Variants in EIF4G3 observed in about 807,000 individuals in gnomAD.
EIF4G3 encodes eukaryotic translation initiation factor 4 gamma 3, also known as eIF-4-gamma 3.
EIF4G3 carries 34 observed loss-of-function variants against 186.4 expected under a neutral mutation model. The ratio of observed to expected loss-of-function variants is 0.18; its 90% CI spans 0.14 to 0.24. EIF4G3 has a LOEUF of 0.24. EIF4G3 is among the 10% of genes least tolerant of loss of function. The pLI, the probability that EIF4G3 is intolerant of heterozygous loss-of-function variation, is 1.00. For missense variants in EIF4G3, 1,536 were observed against 1,948.5 expected (o/e 0.79, Z 3.99); for synonymous variants, 673 against 679.5 (o/e 0.99, Z 0.15).
chr1:21,002,994 T>C (rs184303516), intron 4 of EIF4G3, among the ~76,000 whole-genome samples, 186 bp from the exon 5 acceptor site: 139 of 150,262 alleles, frequency 9.3e-4, no homozygotes, highest in African/African-American at 3.2e-3. Context: ...TTCTTTCTTT[T>C]TTTTTTTTTT....
At chr1:21,137,582 G>A (rs536809828) in intron 2 of EIF4G3, among the ~76,000 whole-genome samples, 1 of 152,256 alleles carries the variant, frequency 6.6e-6, no homozygotes, top group African/African-American at 2.4e-5. Context: ...TTAGAGGCAG[G>A]AGGATCACTT....
At chr1:20,981,967 T>G (rs1230645238) in intron 8 of EIF4G3, among the ~76,000 whole-genome samples, 1 of 152,206 alleles carries the variant, frequency 6.6e-6, no homozygotes, top group African/African-American at 2.4e-5. Flanking sequence ...GCTGTTCAAG[T>G]AATTTATAAA....
At chr1:21,157,793 TTC>T (rs1217950788) in intron 2 of EIF4G3, among the ~76,000 whole-genome samples, 1 of 152,202 alleles carries the variant, frequency 6.6e-6, no homozygotes, top group Non-Finnish European at 1.5e-5. Flanking sequence ...ACAATAACAT[TTC>T]TCTTTTTTCT....
intron 7 of EIF4G3, among the ~76,000 whole-genome samples, chr1:20,994,628 C>CTTTTTTTT (rs3081939): frequency 6.4e-5 from 8 of 124,460 alleles, no homozygotes; most frequent in African/African-American, 2.1e-4. Flanking sequence ...AACATATATA[C>CTTTTTTTT]TTTTTTTTTT....
At position 21,036,195 on chromosome 1, in the gene EIF4G3, G is replaced by A. The variant is rs76981813; in HGVS notation, c.-67+14671C>T. Among the ~76,000 whole-genome samples, 299 of 152,040 alleles carry A rather than the reference G, an allele frequency of 2.0e-3. 1 individual carries two copies. Among genetic ancestry groups the A allele is most frequent in the African/African-American group, 6.9e-3 (286 of 41,488 alleles). On this transcript the variant is annotated intron_variant, in intron 4 of 36. Coordinates refer to ENST00000602326, the MANE Select transcript of EIF4G3 (RefSeq NM_001391906.1). ...GAGACAATGGGACAACCTGGCTGAC[G>A]AGAGGAGCCACCCACTCTAGGGCCT...
At chr1:21,173,914 T>C (rs1195787121) in intron 2 of EIF4G3, among the ~76,000 whole-genome samples, 1 of 152,176 alleles carries the variant, frequency 6.6e-6, no homozygotes, top group African/African-American at 2.4e-5. Context: ...CTGCTCTATT[T>C]CAATCCTTTT....
At chr1:20,854,845 T>C (rs1216464180) in intron 26 of EIF4G3, 133 bp downstream of exon 26, 1 of 569,384 alleles carries the variant, frequency 1.8e-6, no homozygotes, top group Non-Finnish European at 3.1e-6. Context: ...AGGAAAGGGC[T>C]ACCAATAAAA....
intron 2 of EIF4G3, among the ~76,000 whole-genome samples, chr1:21,098,808 T>C: frequency 6.6e-6 from 1 of 152,064 alleles, no homozygotes; most frequent in Middle Eastern, 3.2e-3. Flanking sequence ...AGCTAATTTT[T>C]TCATTTTTTG....
intron 3 of EIF4G3, among the ~76,000 whole-genome samples, chr1:21,057,992 C>A (rs1488176287): frequency 6.6e-6 from 1 of 152,110 alleles, no homozygotes; most frequent in Non-Finnish European, 1.5e-5. Context: ...CCATAAAGAT[C>A]ATGCAAATTA....
chr1:21,123,006 C>T (rs2096954333), intron 2 of EIF4G3, among the ~76,000 whole-genome samples: 1 of 152,088 alleles, frequency 6.6e-6, no homozygotes. Context: ...AAAGTAAAAG[C>T]CTCTGGAAAA....
chr1:20,846,051 T>C (rs1185843818), intron 29 of EIF4G3, among the ~76,000 whole-genome samples: 1 of 152,196 alleles, frequency 6.6e-6, no homozygotes, highest in Non-Finnish European at 1.5e-5. Context: ...AGGTATTTTA[T>C]TCTTTTTGTG....
intron 12 of EIF4G3, among the ~76,000 whole-genome samples, chr1:20,965,851 C>T (rs1317305918): frequency 1.3e-5 from 2 of 152,202 alleles, no homozygotes; most frequent in East Asian, 3.9e-4. Flanking sequence ...TCATTTAATC[C>T]TCTCTGTGTG....
intron 2 of EIF4G3, among the ~76,000 whole-genome samples, chr1:21,089,737 A>G (rs949703556): frequency 1.3e-5 from 2 of 150,562 alleles, no homozygotes; most frequent in Non-Finnish European, 3.0e-5. Flanking sequence ...CAATTAGCAA[A>G]CCTCTCTACC....
At chr1:21,172,290 A>G (rs1228890560) in intron 2 of EIF4G3, among the ~76,000 whole-genome samples, 1 of 152,150 alleles carries the variant, frequency 6.6e-6, no homozygotes, top group Non-Finnish European at 1.5e-5. Flanking sequence ...TCTTTTAGAA[A>G]GCCTTAATTC....
In EIF4G3 at chr1:20,886,824, C is replaced by T. The variant is rs150871634; in HGVS notation, c.2254-453G>A. ...GCCTTACTGTAGATCATAAAAGATTCCACTCATTATGCTGGGTCAGAAATA... is the reference window on the plus strand; with the variant it reads ...GCCTTACTGTAGATCATAAAAGATTTCACTCATTATGCTGGGTCAGAAATA... On this transcript the variant is annotated intron_variant, in intron 18 of 36. Transcript: ENST00000602326. 2.2e-3 allele frequency among the ~76,000 whole-genome samples: 328 copies of T among 152,142 alleles called. 1 individual carries two copies. The highest frequency in any genetic ancestry group is 7.3e-3 in the African/African-American group (304 of 41,508).
Position 20,810,888 on chromosome 1 carries a change from A to T in EIF4G3, c.4598-4T>A. On this transcript the variant is annotated splice_region_variant and splice_polypyrimidine_tract_variant and intron_variant, in intron 35 of 36. Transcript: ENST00000602326. This position sits in a 1 kb window ranked among gnomAD's most constrained non-coding sequence, Gnocchi z 4.1. Reference sequence around the variant, plus strand: ...ACTCTGAAGGTAGAAGAGTCGGCTAAAGGTGATAGAAGAACTAGGAATTAC... The same window carrying T: ...ACTCTGAAGGTAGAAGAGTCGGCTATAGGTGATAGAAGAACTAGGAATTAC... The T allele has an allele frequency of 6.2e-7, 1 of 1,607,542 alleles. No homozygotes were observed. The highest frequency in any genetic ancestry group is 8.5e-7 in the Non-Finnish European group (1 of 1,175,168).
rs545769782 is a variant in EIF4G3, at chr1:20,871,854, C to T, written c.2623-6592G>A. Reference sequence around the variant, plus strand: ...GTCTTTTTTTTTTGAGACAGGGTCTCGCTCTGTCACCCAGACTGGAGTGCA... The same window carrying T: ...GTCTTTTTTTTTTGAGACAGGGTCTTGCTCTGTCACCCAGACTGGAGTGCA... On this transcript the variant is annotated intron_variant, in intron 20 of 36. Coordinates refer to ENST00000602326, the MANE Select transcript of EIF4G3 (RefSeq NM_001391906.1). Among the ~76,000 whole-genome samples, 14 of 151,830 alleles carry T rather than the reference C, an allele frequency of 9.2e-5. No individual in the cohort carries two copies. The South Asian group carries it at 2.9e-3, about 32-fold the overall frequency.
intron 23 of EIF4G3, among the ~76,000 whole-genome samples, chr1:20,861,007 TC>T (rs1177245313): frequency 1.6e-4 from 24 of 152,310 alleles, no homozygotes; most frequent in Admixed American, 5.9e-4. Flanking sequence ...ATATCATGGT[TC>T]TGATATTCTA....
At chr1:21,039,943 T>C (rs894661721) in intron 4 of EIF4G3, among the ~76,000 whole-genome samples, 3 of 152,212 alleles carry the variant, frequency 2.0e-5, no homozygotes, top group Non-Finnish European at 4.4e-5. Context: ...CATGCAAACA[T>C]TTTATAGATA....
Sources: allele counts gnomAD v4.1 joint callset (sites outside exome capture counted in the v4.1 genomes callset), GRCh38; gene constraint gnomAD v4.1.1; non-coding constraint Gnocchi (gnomAD v3.1); transcripts MANE v1.5; gene names NCBI Gene and HGNC (gene_info 2026-07-23, HGNC 2026-07-21).